Variants in HIBADH observed in about 807,000 individuals in gnomAD.
HIBADH encodes 3-hydroxyisobutyrate dehydrogenase, also known as 3-hydroxyisobutyrate dehydrogenase, mitochondrial.
Under a neutral mutation model 36.1 loss-of-function variants are expected in HIBADH, and 25 were observed. The observed-to-expected ratio is 0.69, with a 90% CI of 0.50 to 0.97. The LOEUF is 0.97. HIBADH is among the 50% of genes least tolerant of loss of function. The probability of loss-of-function intolerance (pLI) is 0.00; values close to 1 mark genes in which losing one functional copy is unlikely to be tolerated. For missense variants in HIBADH, 421 were observed against 418.0 expected (o/e 1.01, Z -0.06); for synonymous variants, 160 against 149.5 (o/e 1.07, Z -0.51).
chr7:27,561,920 T>C (rs1332650891), intron 4 of HIBADH, among the ~76,000 whole-genome samples: 2 of 152,162 alleles, frequency 1.3e-5, no homozygotes, highest in Non-Finnish European at 2.9e-5. Context: ...TTATTAGATA[T>C]TAGTAAATCC....
chr7:27,536,448 A>G (rs1037687234), intron 6 of HIBADH, among the ~76,000 whole-genome samples: 6 of 152,152 alleles, frequency 3.9e-5, no homozygotes, highest in Admixed American at 2.0e-4. Context: ...GAAAGATTTA[A>G]AAGTTTCATA....
intron 1 of HIBADH, among the ~76,000 whole-genome samples, chr7:27,655,157 G>A (rs1376740064): frequency 6.6e-6 from 1 of 152,094 alleles, no homozygotes; most frequent in Non-Finnish European, 1.5e-5. Context: ...TTCTCAATTA[G>A]TACTAAAGTG....
chr7:27,626,104 GAAAAAAA>G (rs70994672), intron 4 of HIBADH, among the ~76,000 whole-genome samples: 17 of 72,496 alleles, frequency 2.3e-4, no homozygotes, highest in African/African-American at 5.9e-4. Flanking sequence ...CTCCGTCTCA[GAAAAAAA>G]AAAAAAAAAA....
At chr7:27,652,740 T>C (rs1424973474) in intron 1 of HIBADH, among the ~76,000 whole-genome samples, 2 of 152,140 alleles carry the variant, frequency 1.3e-5, no homozygotes, top group Non-Finnish European at 1.5e-5. Flanking sequence ...CTCATGTCTC[T>C]CTGTACAACA....
At chr7:27,616,587 A>C (rs1785432965) in intron 4 of HIBADH, among the ~76,000 whole-genome samples, 1 of 152,020 alleles carries the variant, frequency 6.6e-6, no homozygotes, top group Non-Finnish European at 1.5e-5. Flanking sequence ...TCAGCCTCCT[A>C]AGTAGATGGG....
At chr7:27,642,861 CG>C (rs1562656165) in intron 2 of HIBADH, among the ~76,000 whole-genome samples, 1 of 151,970 alleles carries the variant, frequency 6.6e-6, no homozygotes, top group African/African-American at 2.4e-5. Context: ...CCGTTTTAGC[CG>C]GGATGGTCTC....
intron 1 of HIBADH, among the ~76,000 whole-genome samples, chr7:27,657,279 A>G (rs901024709): frequency 1.3e-5 from 2 of 152,152 alleles, no homozygotes; most frequent in Admixed American, 6.5e-5. Flanking sequence ...GAAATTCCTA[A>G]TTATAAATAA....
chr7:27,611,486 G>A (rs1785320686), intron 4 of HIBADH, among the ~76,000 whole-genome samples: 1 of 133,490 alleles, frequency 7.5e-6, no homozygotes, highest in Admixed American at 7.9e-5. Flanking sequence ...CAGACCCACT[G>A]CGTGTGTGCG....
chr7:27,661,577 C>A (rs1206935598), intron 1 of HIBADH, among the ~76,000 whole-genome samples: 1 of 97,052 alleles, frequency 1.0e-5, no homozygotes, highest in Non-Finnish European at 1.9e-5. Flanking sequence ...GCGACAGAGA[C>A]CCTGTCTCAA....
chr7:27,660,526 G>C (rs565863566), intron 1 of HIBADH, among the ~76,000 whole-genome samples: 1 of 152,116 alleles, frequency 6.6e-6, no homozygotes, highest in African/African-American at 2.4e-5. Context: ...CTAGCCGGGC[G>C]TGGTGGCAGG....
intron 4 of HIBADH, among the ~76,000 whole-genome samples, chr7:27,607,001 T>A (rs559964160): frequency 3.3e-5 from 5 of 152,146 alleles, no homozygotes; most frequent in Non-Finnish European, 7.4e-5. Context: ...CAATATTGCG[T>A]AAGGTAACTT....
At chr7:27,620,262 G>T (rs556333348) in intron 4 of HIBADH, among the ~76,000 whole-genome samples, 1 of 152,278 alleles carries the variant, frequency 6.6e-6, no homozygotes, top group Non-Finnish European at 1.5e-5. Flanking sequence ...CAAGGGTGCA[G>T]TGAACTTTGA....
chr7:27,608,478 T>C (rs534919870), intron 4 of HIBADH, among the ~76,000 whole-genome samples: 1 of 152,346 alleles, frequency 6.6e-6, no homozygotes, highest in Admixed American at 6.5e-5. Flanking sequence ...TTTTCATCTG[T>C]TAACATTATC....
At chr7:27,602,681 G>A (rs147729401) in intron 4 of HIBADH, among the ~76,000 whole-genome samples, 1 of 152,136 alleles carries the variant, frequency 6.6e-6, no homozygotes, top group East Asian at 1.9e-4. Context: ...ATTACAAGGC[G>A]TCAGTCTTTA....
chr7:27,646,366 G>A (rs922806832), intron 2 of HIBADH, among the ~76,000 whole-genome samples: 2 of 152,116 alleles, frequency 1.3e-5, no homozygotes, highest in Non-Finnish European at 2.9e-5. Context: ...AAACTCCGAA[G>A]TCAAAGACCT....
At chr7:27,607,849 TA>T (rs903016167) in intron 4 of HIBADH, among the ~76,000 whole-genome samples, 9 of 152,208 alleles carry the variant, frequency 5.9e-5, no homozygotes, top group African/African-American at 1.9e-4. Context: ...CAAAGTTTTA[TA>T]AAACTATCTT....
At chr7:27,547,482 G>A (rs1784250499) in intron 4 of HIBADH, among the ~76,000 whole-genome samples, 1 of 152,166 alleles carries the variant, frequency 6.6e-6, no homozygotes, top group Non-Finnish European at 1.5e-5. Flanking sequence ...GGCAGTGATT[G>A]TTGGCTCATT....
intron 1 of HIBADH, among the ~76,000 whole-genome samples, chr7:27,659,453 G>A (rs1188931320): frequency 1.3e-5 from 2 of 152,158 alleles, no homozygotes; most frequent in Admixed American, 1.3e-4. Flanking sequence ...AGTGGCTCAT[G>A]ACTGTAATCC....
At chr7:27,644,141 C>A (rs1786013236) in intron 2 of HIBADH, among the ~76,000 whole-genome samples, 1 of 152,110 alleles carries the variant, frequency 6.6e-6, no homozygotes, top group Non-Finnish European at 1.5e-5. Context: ...ATATATGCAA[C>A]CATGATGACA....
Sources: gnomAD v4.1 joint callset for allele counts (sites outside exome capture counted in the v4.1 genomes callset) on GRCh38, gnomAD v4.1.1 for gene constraint, MANE v1.5 for transcripts, NCBI Gene and HGNC (gene_info 2026-07-23, HGNC 2026-07-21) for gene names.